The following BAIAP3 variants were observed in gnomAD, a reference collection of about 807,000 sequenced individuals.
BAIAP3 encodes the protein BAI1-associated protein 3.
A neutral mutation model predicts 149.7 loss-of-function variants in BAIAP3; 180 were observed. The ratio of observed to expected loss-of-function variants is 1.20; its 90% confidence interval spans 1.07 to 1.36. BAIAP3 has a LOEUF of 1.36. Ranked by LOEUF, BAIAP3 falls within the 40% of genes most tolerant of loss-of-function variation. BAIAP3 has a pLI of 0.00. For synonymous variants in BAIAP3, 845 were observed against 670.7 expected (o/e 1.26, Z -4.02); for missense variants, 1,767 against 1,563.4 (o/e 1.13, Z -2.20).
chr16:1,347,257 G>A (rs1408617320), intron 28 of BAIAP3, 41 bp from the exon 29 acceptor site: 1 of 1,599,072 alleles, frequency 6.3e-7, no homozygotes, highest in Non-Finnish European at 8.5e-7. Context: ...CCCAGCACAA[G>A]CCAGGCTCCC....
At chr16:1,338,753 T>C in intron 2 of BAIAP3, 73 bp downstream of exon 2, 1 of 1,567,834 alleles carries the variant, frequency 6.4e-7, no homozygotes, top group Non-Finnish European at 8.6e-7. Flanking sequence ...TGGCCGCCCC[T>C]GCCCCAGCAC....
rs1420920384 is a variant in BAIAP3 at position 1,344,317 on chromosome 16, G to T, written c.1602G>T (p.Lys534Asn). The part of the protein sequence containing the change: ...ELNMDIAAAL[K>N]RGNREWYDRI... ...ACATGGACATTGCTGCGGCCCTGAAGGTGTGTTCCAAAGCCCAGTGGAGGC... is the reference window on the plus strand; with the variant it reads ...ACATGGACATTGCTGCGGCCCTGAATGTGTGTTCCAAAGCCCAGTGGAGGC... The change falls in exon 17 of 34, where the codon AAG (lysine) becomes AAT (asparagine). Residue 534 changes from lysine to asparagine, a missense_variant and splice_region_variant. Coordinates refer to ENST00000426824, the MANE Select transcript of BAIAP3 (RefSeq NM_001199097.2). 6.2e-7 allele frequency: 1 copy of T among 1,613,826 alleles called. No individual in the cohort carries two copies. The highest frequency in any genetic ancestry group is 8.5e-7 in the Non-Finnish European group (1 of 1,179,986).
At chr16:1,337,795 C>T (rs946797825) in intron 1 of BAIAP3, among the ~76,000 whole-genome samples, 3 of 152,220 alleles carry the variant, frequency 2.0e-5, no homozygotes, top group Non-Finnish European at 4.4e-5. Context: ...CGGCATTTTC[C>T]AGCGGGGCCC....
intron 11 of BAIAP3, 82 bp from the exon 12 acceptor site, chr16:1,342,445 T>TG: frequency 7.1e-7 from 1 of 1,411,198 alleles, no homozygotes; most frequent in Non-Finnish European, 9.7e-7. Context: ...CCAGGCCATG[T>TG]GGTCTCTCCA....
At chr16:1,339,412 G>A (rs2033698792) in intron 4 of BAIAP3, 84 bp from the exon 5 acceptor site, 1 of 1,495,264 alleles carries the variant, frequency 6.7e-7, no homozygotes, top group Non-Finnish European at 9.1e-7. Flanking sequence ...CAGAGGTGGG[G>A]CCTGGGCTCA....
intron 5 of BAIAP3, 145 bp downstream of exon 5, chr16:1,339,748 C>T (rs527638644): frequency 7.9e-6 from 5 of 635,638 alleles, no homozygotes; most frequent in African/African-American, 7.6e-5. Context: ...CAGGTGCACA[C>T]ACACACACGC....
At chr16:1,336,993 G>A in intron 1 of BAIAP3, among the ~76,000 whole-genome samples, 1 of 152,188 alleles carries the variant, frequency 6.6e-6, no homozygotes. Flanking sequence ...ACCCAAGAGT[G>A]GGTACCTCTC....
At chr16:1,338,761 C>T in intron 2 of BAIAP3, 81 bp downstream of exon 2, 1 of 1,567,764 alleles carries the variant, frequency 6.4e-7, no homozygotes, top group African/African-American at 1.4e-5. Flanking sequence ...CCTGCCCCAG[C>T]ACCCCTGGGC....
chr16:1,344,200 C>G, intron 16 of BAIAP3, 27 bp from the exon 17 acceptor site: 1 of 1,612,800 alleles, frequency 6.2e-7, no homozygotes, highest in Non-Finnish European at 8.5e-7. Context: ...AGGGCAGGCC[C>G]CACGTCAGCG....
rs1302587253 is a variant in BAIAP3, at chr16:1,347,767, C to T, written c.2971C>T (p.Arg991Trp). Residue 991 changes from arginine to tryptophan, a missense_variant, in exon 31 of 34, where the codon CGG becomes TGG. By Grantham distance (101) the Arg-to-Trp change is moderately radical. Coordinates refer to ENST00000426824, the MANE Select transcript of BAIAP3 (RefSeq NM_001199097.2). ...TTGCCATTACGAGGCGGCTGAGCAG[C>T]GGCTGGCCGTGGAGGTGCTGCACGC... ...VRCHYEAAEQ[R>W]LAVEVLHAAD... 1.1e-5 allele frequency: 18 copies of T among 1,609,050 alleles called. No homozygotes were observed. Among genetic ancestry groups the T allele is most frequent in the East Asian group, 4.5e-5 (2 of 44,762 alleles).
intron 8 of BAIAP3, 89 bp from the exon 9 acceptor site, chr16:1,341,733 C>A: frequency 7.1e-7 from 1 of 1,416,828 alleles, no homozygotes; most frequent in Non-Finnish European, 9.7e-7. Flanking sequence ...GTGCTTGTGG[C>A]CTGGTCCCTG....
At chr16:1,336,707 C>G (rs2033478512) in intron 1 of BAIAP3, among the ~76,000 whole-genome samples, 2 of 152,222 alleles carry the variant, frequency 1.3e-5, no homozygotes, top group African/African-American at 2.4e-5. Flanking sequence ...GCTTATGAGT[C>G]TAGTGCCACT....
chr16:1,343,290 G>A, intron 14 of BAIAP3, 103 bp from the exon 15 acceptor site: 1 of 1,481,576 alleles, frequency 6.7e-7, no homozygotes, highest in Admixed American at 2.1e-5. Flanking sequence ...GCGCGGCAGT[G>A]CTGATTGGGT....
chr16:1,343,542 C>G lies in BAIAP3; in HGVS notation c.1386+29C>G, dbSNP rs371151567. 2.5e-6 allele frequency: 4 copies of G among 1,602,362 alleles called. No individual in the cohort carries two copies. The East Asian group carries it at 6.7e-5, about 27-fold the overall frequency. On this transcript the variant is annotated intron_variant, in intron 15 of 33. Coordinates refer to ENST00000426824, the MANE Select transcript of BAIAP3 (RefSeq NM_001199097.2). ...GGTGCAGCCGGGACCTTCTTGCCAG[C>G]CATGGCGAAGGGAGTGCTGGGGACT...
intron 14 of BAIAP3, 176 bp from the exon 15 acceptor site, chr16:1,343,217 G>T: frequency 8.8e-7 from 1 of 1,139,572 alleles, no homozygotes; most frequent in Non-Finnish European, 1.2e-6. Context: ...GAAAGGGGCG[G>T]TGCCATGAGT....
rs768151751 is a variant in BAIAP3 at position 1,338,891 on chromosome 16, T to C, written c.132-11T>C. The C allele has an allele frequency of 2.3e-5, 37 of 1,612,740 alleles. No homozygotes were observed. In the Admixed American group the frequency reaches 2.3e-4, roughly 10 times the overall value. ...GCTGAGAGCTGTGAGCTGACCCGGC[T>C]CTTTCTCCAGGAAACCCGGGGATGG... On this transcript the variant is annotated splice_polypyrimidine_tract_variant and intron_variant, in intron 2 of 33. Coordinates refer to ENST00000426824, the MANE Select transcript of BAIAP3 (RefSeq NM_001199097.2).
intron 8 of BAIAP3, 101 bp from the exon 9 acceptor site, chr16:1,341,721 G>T: frequency 7.6e-7 from 1 of 1,318,580 alleles, no homozygotes; most frequent in Non-Finnish European, 1.0e-6. Flanking sequence ...TCTGGAGAGC[G>T]GGTGCTTGTG....
intron 10 of BAIAP3, 30 bp from the exon 11 acceptor site, chr16:1,342,151 A>C: frequency 6.3e-7 from 1 of 1,578,116 alleles, no homozygotes. Flanking sequence ...AGGAGCCATC[A>C]GCGTGATGCT....
At position 1,344,642 on chromosome 16, in the gene BAIAP3, C is replaced by T. The variant is rs1482316277; in HGVS notation, c.1701C>T (p.Asp567=). The change falls in exon 19 of 34, where the codon GAC becomes GAT. Residue 567 remains aspartate (D), a synonymous_variant. Transcript: ENST00000426824. ...TGCCTGGGCTGGTTGTGCTGGCTGA[C>T]GCCGTCTATGATGACCTTCAGTTCT... ...QRLPGLVVLA[D]AVYDDLQFCY... 1.9e-6 allele frequency: 3 copies of T among 1,613,254 alleles called. No individual in the cohort carries two copies. The highest frequency in any genetic ancestry group is 2.2e-5 in the South Asian group (2 of 91,084).
Sources: gnomAD v4.1 joint callset for allele counts (sites outside exome capture counted in the v4.1 genomes callset) on GRCh38, gnomAD v4.1.1 for gene constraint, MANE v1.5 for transcripts, NCBI Gene and HGNC (gene_info 2026-07-23, HGNC 2026-07-21) for gene names.